ULK2: variants seen among roughly 807,000 people sequenced by gnomAD.
The protein encoded by ULK2 is unc-51 like autophagy activating kinase 2.
In ULK2, 76 loss-of-function variants were observed where a neutral mutation model predicts 127.5. That is an observed-to-expected ratio of 0.60 (90% CI 0.50 to 0.72). The LOEUF (loss-of-function observed/expected upper bound fraction) is 0.72. Among genes scored for constraint, ULK2 ranks in the 30% least tolerant of loss-of-function variants. The probability of loss-of-function intolerance (pLI) is 0.00; values close to 1 mark genes in which losing one functional copy is unlikely to be tolerated. For missense variants in ULK2, 1,144 were observed against 1,295.9 expected (o/e 0.88, Z 1.80); for synonymous variants, 452 against 461.9 (o/e 0.98, Z 0.28).
chr17:19,795,739 T>C lies in ULK2; in HGVS notation c.1998-14A>G. 4 of 1,607,666 alleles carry C rather than the reference T, an allele frequency of 2.5e-6. No homozygotes were observed. Among genetic ancestry groups the C allele is most frequent in the Non-Finnish European group, 3.4e-6 (4 of 1,174,334 alleles). Reference sequence around the variant, plus strand: ...GTACTGACAGATCTAAAAAGAATAGTGATGTTTTTAATAAAGGAAAAGTAT... The same window carrying C: ...GTACTGACAGATCTAAAAAGAATAGCGATGTTTTTAATAAAGGAAAAGTAT... On this transcript the variant is annotated splice_polypyrimidine_tract_variant and intron_variant, in intron 19 of 26. Coordinates refer to ENST00000395544, the MANE Select transcript of ULK2 (RefSeq NM_014683.4).
rs571296615 is a variant in ULK2, at chr17:19,778,438, G to C, written c.2917-722C>G. ...AGCAACAACAGCAGAAGTGAATCAG[G>C]TGAGGAAAAATGTGGGAAGGGGCTC... On this transcript the variant is annotated intron_variant, in intron 25 of 26. Coordinates refer to ENST00000395544, the MANE Select transcript of ULK2 (RefSeq NM_014683.4). Among the ~76,000 whole-genome samples the C allele has an allele frequency of 1.3e-3, 201 of 152,292 alleles. 1 individual carries two copies. The highest frequency in any genetic ancestry group is 2.5e-3 in the Non-Finnish European group (169 of 68,030).
At position 19,867,456 on chromosome 17, in the gene ULK2, C is replaced by A. The variant is rs748052859; in HGVS notation, c.-39G>T. On this transcript the variant is annotated 5_prime_UTR_variant, in exon 1 of 27. Transcript: ENST00000395544. ...GGGCACACAGCGGACGGGCGGGCGG[C>A]GCAGTGCGGCGCAGGTATCAGCACC... The A allele has an allele frequency of 1.4e-5, 22 of 1,542,318 alleles. No individual in the cohort carries two copies. The highest frequency in any genetic ancestry group is 1.8e-5 in the Non-Finnish European group (21 of 1,139,080).
chr17:19,852,591 G>A (rs2152400285), intron 3 of ULK2, among the ~76,000 whole-genome samples: 1 of 149,772 alleles, frequency 6.7e-6, no homozygotes, highest in East Asian at 2.0e-4. Flanking sequence ...TTTTTATACT[G>A]AAGGTCATTT....
At chr17:19,779,008 A>C (rs1359682699) in intron 25 of ULK2, among the ~76,000 whole-genome samples, 1 of 152,216 alleles carries the variant, frequency 6.6e-6, no homozygotes, top group Non-Finnish European at 1.5e-5. Context: ...ATAATTTATC[A>C]TATGAGGTCT....
chr17:19,826,906 G>A (rs1029321699), intron 10 of ULK2, among the ~76,000 whole-genome samples: 26 of 151,078 alleles, frequency 1.7e-4, no homozygotes, highest in Admixed American at 4.6e-4. Context: ...GCAGTGAGCC[G>A]AGATCGCGCC....
chr17:19,791,659 T>C (rs1318513693), intron 20 of ULK2, among the ~76,000 whole-genome samples: 5 of 151,832 alleles, frequency 3.3e-5, no homozygotes, highest in African/African-American at 1.2e-4. Flanking sequence ...TACTCCAGCC[T>C]GGGCAACAGA....
rs563817782 is a variant in ULK2 at position 19,797,334 on chromosome 17, T to C, written c.1809+62A>G. 8.1e-6 allele frequency: 12 copies of C among 1,478,782 alleles called. No individual in the cohort carries two copies. The East Asian group carries it at 1.7e-4, about 20-fold the overall frequency. The allele number at this position is 1,478,782 out of a possible 1,614,324, so 91.6% of individuals were successfully genotyped here. ...AAAAAAATTATAGCTATTCTCATAATGAATCCTTTCCATAAAGTACTATAC... is the reference window on the plus strand; with the variant it reads ...AAAAAAATTATAGCTATTCTCATAACGAATCCTTTCCATAAAGTACTATAC... On this transcript the variant is annotated intron_variant, in intron 18 of 26. Transcript: ENST00000395544.
chr17:19,801,476 G>A (rs182174990), intron 16 of ULK2, among the ~76,000 whole-genome samples: 3 of 152,290 alleles, frequency 2.0e-5, no homozygotes, highest in Admixed American at 2.0e-4. Flanking sequence ...AGCTACTTGG[G>A]AGACTGAGGT....
chr17:19,829,556 G>GGGGGGGT, intron 10 of ULK2, among the ~76,000 whole-genome samples: 1 of 131,524 alleles, frequency 7.6e-6, no homozygotes, highest in African/African-American at 2.7e-5. Flanking sequence ...AAAGGGGGGG[G>GGGGGGGT]GCTGGGCACG....
At position 19,865,774 on chromosome 17, in the gene ULK2, A is replaced by G. The variant is rs954463699; in HGVS notation, c.145T>C (p.Ser49Pro). Residue 49 changes from serine to proline, a missense_variant, in exon 2 of 27, where the codon TCA becomes CCA. Physicochemically the swap from Ser to Pro is moderately conservative, Grantham distance 74 (BLOSUM62 -1). This residue lies in a region of ULK2 where 231 missense variants were observed against 325.4 expected (regional missense o/e 0.71). Coordinates refer to ENST00000395544, the MANE Select transcript of ULK2 (RefSeq NM_014683.4). ...ATTTCCTTTCCAAGCAGTATTTGTG[A>G]TTTTGACAAGTTCTTTTTATTAATA... ...KSINKKNLSK[S>P]QILLGKEIKI... is the part of the protein sequence containing the mutation. The G allele has an allele frequency of 1.3e-6, 2 of 1,562,174 alleles. No individual in the cohort carries two copies. Among genetic ancestry groups the G allele is most frequent in the Non-Finnish European group, 1.8e-6 (2 of 1,142,008 alleles).
At chr17:19,862,907 T>G (rs1314308882) in intron 3 of ULK2, among the ~76,000 whole-genome samples, 1 of 152,136 alleles carries the variant, frequency 6.6e-6, no homozygotes, top group African/African-American at 2.4e-5. Flanking sequence ...TGGCACATAA[T>G]AGTCACTCAA....
chr17:19,814,439 T>TATATATATATATATA (rs1491246393), intron 13 of ULK2, among the ~76,000 whole-genome samples: 1 of 9,990 alleles, frequency 1.0e-4, no homozygotes, highest in African/African-American at 2.1e-4. Flanking sequence ...TATATATATA[T>TATATATATATATATA]TTTTTTTTTT....
In ULK2 at chr17:19,825,168, C is replaced by T; in HGVS notation, c.850G>A (p.Val284Met). The change falls in exon 12 of 27, where the codon GTG becomes ATG. Residue 284 changes from valine to methionine, a missense_variant. Physicochemically the swap from Val to Met is conservative, Grantham distance 21. This residue lies in a region of ULK2 where 913 missense variants were observed against 970.5 expected (regional missense o/e 0.94). Transcript: ENST00000395544. ...GPVKKSCPVPVPMYSGSVSGS... is the reference protein window; with the variant it reads ...GPVKKSCPVPMPMYSGSVSGS... ...GAGACAGAACCAGAATACATGGGCA[C>T]TGGAACTGGGCAAGCTAGGGGAAGA... The T allele has an allele frequency of 6.2e-7, 1 of 1,614,118 alleles. No individual in the cohort carries two copies.
chr17:19,848,353 T>A (rs1216090258), intron 5 of ULK2: 1 of 152,196 alleles, frequency 6.6e-6, no homozygotes, highest in African/African-American at 2.4e-5. Flanking sequence ...ACCTTTCCAT[T>A]TGTAAATAAG....
chr17:19,841,570 ATTTCCT>A, intron 8 of ULK2, 23 bp from the exon 9 acceptor site: 1 of 1,550,000 alleles, frequency 6.5e-7, no homozygotes, highest in Non-Finnish European at 8.7e-7. Context: ...AAAAGGTTTA[ATTTCCT>A]AAACAATGGG....
At chr17:19,834,535 G>GAA (rs1011742322) in intron 10 of ULK2, among the ~76,000 whole-genome samples, 9 of 146,094 alleles carry the variant, frequency 6.2e-5, no homozygotes, top group African/African-American at 2.3e-4. Flanking sequence ...AATACAAAAA[G>GAA]AAAAAAAAAA....
chr17:19,814,431 TATATATA>T lies in ULK2; in HGVS notation c.1096+2311_1096+2317del, dbSNP rs1420031655. On this transcript the variant is annotated intron_variant, in intron 13 of 26. Coordinates refer to ENST00000395544, the MANE Select transcript of ULK2 (RefSeq NM_014683.4). ...ATATACATATATATATATATATATA[TATATATA>T]TTTTTTTTTTTTTTTTTTTTTTTTT... 1.7e-3 allele frequency among the ~76,000 whole-genome samples: 28 copies of T among 16,464 alleles called. 1 individual carries two copies. Among genetic ancestry groups the T allele is most frequent in the Admixed American group, 5.3e-3 (7 of 1,322 alleles). The allele number at this position is 16,464 out of a possible 152,430, so 10.8% of individuals were successfully genotyped here.
intron 25 of ULK2, among the ~76,000 whole-genome samples, chr17:19,779,187 T>C (rs978026616): frequency 1.3e-5 from 2 of 152,162 alleles, no homozygotes; most frequent in African/African-American, 4.8e-5. Flanking sequence ...CAGTTCACAG[T>C]AGACAAATAG....
chr17:19,828,495 G>A (rs1170815691), intron 10 of ULK2, among the ~76,000 whole-genome samples: 1 of 152,154 alleles, frequency 6.6e-6, no homozygotes. Context: ...CAATACAGAA[G>A]TAGAGTTTTT....
Sources: allele counts gnomAD v4.1 joint callset (sites outside exome capture counted in the v4.1 genomes callset), GRCh38; gene constraint gnomAD v4.1.1; regional missense constraint gnomAD v4.1.1; transcripts MANE v1.5; gene names NCBI Gene and HGNC (gene_info 2026-07-23, HGNC 2026-07-21).